The following OXSR1 variants were observed in gnomAD, a reference collection of about 807,000 sequenced individuals.
The protein encoded by OXSR1 is oxidative stress responsive kinase 1.
OXSR1 carries 24 observed loss-of-function variants against 79.8 expected under a neutral mutation model. The ratio of observed to expected loss-of-function variants is 0.30; its 90% CI spans 0.22 to 0.42. OXSR1 has a LOEUF of 0.42. Ranked by LOEUF, OXSR1 falls within the 10% of genes least tolerant of loss-of-function variation. OXSR1 has a pLI of 1.00. For synonymous variants in OXSR1, 226 were observed against 209.2 expected (o/e 1.08, Z -0.69); for missense variants, 430 against 618.4 (o/e 0.70, Z 3.23).
At chr3:38,250,182 T>C in intron 15 of OXSR1, 164 bp downstream of exon 15, 1 of 590,452 alleles carries the variant, frequency 1.7e-6, no homozygotes, top group East Asian at 2.9e-5. Flanking sequence ...GTTCGTTGAC[T>C]ACTAAACACA....
intron 2 of OXSR1, among the ~76,000 whole-genome samples, chr3:38,184,889 TAGAA>T (rs1161217986): frequency 1.8e-5 from 2 of 108,704 alleles, no homozygotes; most frequent in Non-Finnish European, 3.9e-5. Flanking sequence ...AGTTCAAAAG[TAGAA>T]AGAACATTTC....
At chr3:38,183,899 C>T (rs562940348) in intron 2 of OXSR1, among the ~76,000 whole-genome samples, 2 of 152,056 alleles carry the variant, frequency 1.3e-5, no homozygotes, top group Non-Finnish European at 2.9e-5. Flanking sequence ...ATTATTGTTT[C>T]AAAATTTTCA....
chr3:38,201,997 G>A (rs1405333924), intron 4 of OXSR1, among the ~76,000 whole-genome samples: 2 of 152,232 alleles, frequency 1.3e-5, no homozygotes, highest in Non-Finnish European at 2.9e-5. Flanking sequence ...ATTAGAGCAT[G>A]ATTAAAATCT....
chr3:38,213,124 T>C (rs868414105), intron 4 of OXSR1, among the ~76,000 whole-genome samples: 3 of 152,192 alleles, frequency 2.0e-5, no homozygotes, highest in African/African-American at 7.2e-5. Flanking sequence ...CTAAAACTTA[T>C]AAAACAGGAT....
At chr3:38,208,203 C>T (rs535374104) in intron 4 of OXSR1, among the ~76,000 whole-genome samples, 18 of 151,830 alleles carry the variant, frequency 1.2e-4, no homozygotes, top group Non-Finnish European at 2.1e-4. Context: ...CCTCTTTGGC[C>T]GTACCCCATT....
At chr3:38,190,687 T>G in intron 2 of OXSR1, 44 bp from the exon 3 acceptor site, 1 of 1,105,914 alleles carries the variant, frequency 9.0e-7, no homozygotes, top group South Asian at 1.3e-5. Context: ...ACATTTGTTT[T>G]AGGCTTGCAT....
Position 38,253,703 on chromosome 3 carries a change from C to T in OXSR1, c.*812C>T, listed in dbSNP as rs1703305239. 6.5e-6 allele frequency: 1 copy of T among 153,302 alleles called. No homozygotes were observed. Among genetic ancestry groups the T allele is most frequent in the East Asian group, 1.9e-4 (1 of 5,220 alleles). 9.5% of individuals were successfully genotyped at this position (153,302 alleles called of 1,614,324 possible). On this transcript the variant is annotated 3_prime_UTR_variant, in exon 18 of 18. Transcript: ENST00000311806. ...TGAACAGGAAAATCATAATTCATAT[C>T]ATTGGAGAAGTATTTATTTTCAAAT...
chr3:38,220,354 C>A (rs1284562341), intron 5 of OXSR1, among the ~76,000 whole-genome samples: 1 of 151,970 alleles, frequency 6.6e-6, no homozygotes. Flanking sequence ...AAATTTATTT[C>A]TATTTTCATA....
At chr3:38,177,902 A>T (rs978658209) in intron 1 of OXSR1, among the ~76,000 whole-genome samples, 3 of 151,398 alleles carry the variant, frequency 2.0e-5, no homozygotes, top group African/African-American at 7.3e-5. Context: ...GTTCTTAAAT[A>T]TTGGATTTTA....
At chr3:38,184,494 A>G (rs1367663147) in intron 2 of OXSR1, among the ~76,000 whole-genome samples, 1 of 152,264 alleles carries the variant, frequency 6.6e-6, no homozygotes, top group African/African-American at 2.4e-5. Flanking sequence ...ATTCTGTTAA[A>G]GAAAAACAAA....
intron 8 of OXSR1, among the ~76,000 whole-genome samples, chr3:38,225,940 T>C (rs1702680305): frequency 6.6e-6 from 1 of 152,142 alleles, no homozygotes; most frequent in Admixed American, 6.5e-5. Flanking sequence ...AGTAAAAGGA[T>C]AGACAAGAAT....
At chr3:38,232,356 A>C (rs1318240335) in intron 10 of OXSR1, among the ~76,000 whole-genome samples, 1 of 152,070 alleles carries the variant, frequency 6.6e-6, no homozygotes, top group Non-Finnish European at 1.5e-5. Context: ...TGGGAGGTTG[A>C]AGGCACAGTC....
intron 4 of OXSR1, among the ~76,000 whole-genome samples, chr3:38,205,367 G>A (rs1018857157): frequency 5.9e-5 from 9 of 152,160 alleles, no homozygotes; most frequent in Non-Finnish European, 8.8e-5. Context: ...TCTTCCATTG[G>A]ATCTTTCTGT....
chr3:38,224,974 G>C (rs1158005741), intron 8 of OXSR1: 1 of 195,666 alleles, frequency 5.1e-6, no homozygotes, highest in African/African-American at 2.3e-5. Context: ...TGCCAAGTTA[G>C]TGGAGAGATT....
intron 1 of OXSR1, among the ~76,000 whole-genome samples, chr3:38,170,149 A>G (rs889180835): frequency 1.3e-5 from 2 of 151,934 alleles, no homozygotes; most frequent in Non-Finnish European, 1.5e-5. Context: ...GGTTCAAGCA[A>G]TTCTCCTGTC....
chr3:38,229,765 G>C (rs1408311438), intron 9 of OXSR1, 30 bp downstream of exon 9: 1 of 1,549,872 alleles, frequency 6.5e-7, no homozygotes, highest in Non-Finnish European at 8.9e-7. Context: ...GATTATGTGT[G>C]TTCATAGGAT....
Position 38,198,729 on chromosome 3 carries a change from T to C in OXSR1, c.300T>C (p.Val100=). ...TATGTCTTCTGTTTTCAGGTTCTGT[T>C]CTGGATATTATTAAGCACATTGTGG... is the stretch of plus-strand genomic sequence containing the variant. The part of the protein sequence containing the change: ...LVMKLLSGGS[V]LDIIKHIVAK... Residue 100 remains valine (V), a synonymous_variant, in exon 4 of 18, where the codon GTT becomes GTC. Coordinates refer to ENST00000311806, the MANE Select transcript of OXSR1 (RefSeq NM_005109.3). The C allele has an allele frequency of 6.2e-7, 1 of 1,612,304 alleles. No individual in the cohort carries two copies. The highest frequency in any genetic ancestry group is 8.5e-7 in the Non-Finnish European group (1 of 1,178,798).
intron 10 of OXSR1, among the ~76,000 whole-genome samples, chr3:38,231,747 CTTA>C (rs1284378240): frequency 2.0e-5 from 3 of 152,124 alleles, no homozygotes; most frequent in South Asian, 2.1e-4. Context: ...AATTTCTATG[CTTA>C]TTATTGTTTA....
chr3:38,250,237 A>G, intron 15 of OXSR1: 2 of 497,186 alleles, frequency 4.0e-6, no homozygotes, highest in East Asian at 3.6e-5. Context: ...TAAATATATG[A>G]TAGCTCTTTA....
Sources: allele counts gnomAD v4.1 joint callset (sites outside exome capture counted in the v4.1 genomes callset), GRCh38; gene constraint gnomAD v4.1.1; transcripts MANE v1.5; gene names NCBI Gene and HGNC (gene_info 2026-07-23, HGNC 2026-07-21).